Variants in TRMT11 observed in about 807,000 individuals in gnomAD.
TRMT11 encodes tRNA (guanine(10)-N(2))-methyltransferase TRMT11.
Under a neutral mutation model 62.8 loss-of-function variants are expected in TRMT11, and 53 were observed. The observed-to-expected ratio is 0.84, with a 90% CI of 0.68 to 1.06. TRMT11 has a LOEUF of 1.06. Ranked by LOEUF, TRMT11 falls within the 50% of genes least tolerant of loss-of-function variation. TRMT11 has a pLI of 0.00. For missense variants in TRMT11, 556 were observed against 553.4 expected, an observed-to-expected ratio of 1.00 and a Z score of -0.05; for synonymous variants, 188 against 190.3, an observed-to-expected ratio of 0.99 and a Z score of 0.10.
At chr6:126,150,220 C>T (rs187735695) in intron 21 of TRMT11, among the ~76,000 whole-genome samples, 1 of 152,212 alleles carries the variant, frequency 6.6e-6, no homozygotes, top group East Asian at 1.9e-4. Flanking sequence ...CACTTAGCCC[C>T]CTCACTATGT....
chr6:126,160,796 T>C (rs772141524), intron 21 of TRMT11, among the ~76,000 whole-genome samples: 1 of 152,180 alleles, frequency 6.6e-6, no homozygotes, highest in Non-Finnish European at 1.5e-5. Context: ...TAAAGACTAA[T>C]GATAATTAGA....
At chr6:126,131,575 C>T (rs560310540) in intron 21 of TRMT11, among the ~76,000 whole-genome samples, 1 of 152,074 alleles carries the variant, frequency 6.6e-6, no homozygotes, top group Non-Finnish European at 1.5e-5. Context: ...CTCCTGGAGA[C>T]AAATCCCCTG....
chr6:126,217,902 A>G, the TRMT11 span, among the ~76,000 whole-genome samples: 1 of 152,076 alleles, frequency 6.6e-6, no homozygotes, highest in Non-Finnish European at 1.5e-5. Context: ...CTGGAGTCAG[A>G]AGCCTTAGGA....
intron 21 of TRMT11, among the ~76,000 whole-genome samples, chr6:126,132,756 C>G (rs1397769830): frequency 6.6e-6 from 1 of 151,884 alleles, no homozygotes; most frequent in East Asian, 1.9e-4. Context: ...GAACTCAGAA[C>G]TCAGGGTGGG....
intron 12 of TRMT11, among the ~76,000 whole-genome samples, chr6:126,033,459 T>C (rs1774590626): frequency 6.6e-6 from 1 of 152,192 alleles, no homozygotes; most frequent in Non-Finnish European, 1.5e-5. Flanking sequence ...AAACATAGAT[T>C]GACTTGAATA....
intron 17 of TRMT11, among the ~76,000 whole-genome samples, chr6:126,062,177 T>G (rs576601776): frequency 6.6e-6 from 1 of 152,346 alleles, no homozygotes; most frequent in African/African-American, 2.4e-5. Context: ...TGAGCCACCA[T>G]GCCTGGCCAA....
chr6:126,074,624 T>C (rs563123863), intron 17 of TRMT11, among the ~76,000 whole-genome samples: 1 of 152,306 alleles, frequency 6.6e-6, no homozygotes, highest in African/African-American at 2.4e-5. Flanking sequence ...GTGTAAAATA[T>C]CTTTGTCACG....
In TRMT11 at chr6:126,038,753, CAAGGTCAT is replaced by C. The variant is rs1295118432; in HGVS notation, c.1312_1319del (p.Gly438PhefsTer4). On this transcript the variant is annotated frameshift_variant, in exon 13 of 13. Coordinates refer to ENST00000334379, the MANE Select transcript of TRMT11 (RefSeq NM_001031712.3). LOFTEE classifies it high-confidence loss of function. ...GCTAAGTGATCATTTTCTGCCATACCAAGGTCATAATTCCTTCCGTGAGAAATATTTTA... is the reference window on the plus strand; with the variant it reads ...GCTAAGTGATCATTTTCTGCCATACCAATTCCTTCCGTGAGAAATATTTTA... 9 of 1,600,910 alleles carry C rather than the reference CAAGGTCAT, an allele frequency of 5.6e-6. No individual in the cohort carries two copies. The highest frequency in any genetic ancestry group is 1.4e-5 in the African/African-American group (1 of 73,948).
intron 21 of TRMT11, among the ~76,000 whole-genome samples, chr6:126,146,539 CAG>C (rs948084527): frequency 2.3e-4 from 34 of 148,030 alleles, no homozygotes; most frequent in African/African-American, 8.2e-4. Context: ...TTTTTTGAGA[CAG>C]AGTTTCACTC....
intron 17 of TRMT11, among the ~76,000 whole-genome samples, chr6:126,064,694 G>T (rs765208412): frequency 1.3e-5 from 2 of 151,686 alleles, no homozygotes; most frequent in African/African-American, 2.4e-5. Context: ...CAGGGTTTCT[G>T]TAGGCCAAAA....
chr6:126,151,617 A>C (rs1042974960), intron 21 of TRMT11, among the ~76,000 whole-genome samples: 1 of 152,128 alleles, frequency 6.6e-6, no homozygotes, highest in Non-Finnish European at 1.5e-5. Context: ...TCACCTTGCC[A>C]AATGCCTCCC....
intron 2 of TRMT11, 105 bp downstream of exon 2, chr6:125,993,927 G>A: frequency 1.6e-6 from 1 of 630,372 alleles, no homozygotes; most frequent in Non-Finnish European, 2.6e-6. Context: ...ATGGTTACTT[G>A]TATCTGTTTC....
At chr6:126,236,520 GA>G in the TRMT11 span, among the ~76,000 whole-genome samples, 12 of 152,064 alleles carry the variant, frequency 7.9e-5, no homozygotes, top group East Asian at 2.3e-3. Context: ...TCTTGTTATA[GA>G]TTACTATTGA....
intron 17 of TRMT11, among the ~76,000 whole-genome samples, chr6:126,067,650 T>C (rs898908996): frequency 6.6e-6 from 1 of 152,238 alleles, no homozygotes; most frequent in Non-Finnish European, 1.5e-5. Context: ...AAACATTCTT[T>C]TACATGTTTC....
intron 1 of TRMT11, among the ~76,000 whole-genome samples, chr6:125,989,679 C>T (rs1355417805): frequency 3.3e-5 from 5 of 152,124 alleles, no homozygotes; most frequent in African/African-American, 1.2e-4. Context: ...TTTTTTCCGT[C>T]GTAAATTCTT....
the TRMT11 span, among the ~76,000 whole-genome samples, chr6:126,260,002 T>C: frequency 6.6e-6 from 1 of 152,022 alleles, no homozygotes; most frequent in African/African-American, 2.4e-5. Context: ...TTGGGTCTAG[T>C]TTTTTTTATT....
At chr6:126,099,239 T>C (rs1777370854) in intron 17 of TRMT11, among the ~76,000 whole-genome samples, 1 of 152,250 alleles carries the variant, frequency 6.6e-6, no homozygotes, top group African/African-American at 2.4e-5. Context: ...TTTCAGTAAA[T>C]CTGTGCACTT....
intron 21 of TRMT11, among the ~76,000 whole-genome samples, chr6:126,167,280 G>A (rs866727216): frequency 3.3e-5 from 5 of 152,172 alleles, no homozygotes; most frequent in African/African-American, 7.2e-5. Context: ...TGTGGGTTGC[G>A]AAAACCATGG....
At chr6:126,092,158 T>C (rs1220447446) in intron 17 of TRMT11, among the ~76,000 whole-genome samples, 1 of 152,244 alleles carries the variant, frequency 6.6e-6, no homozygotes, top group Non-Finnish European at 1.5e-5. Context: ...TTAATTACGA[T>C]GACTTATAGT....
Sources: gnomAD v4.1 joint callset for allele counts (sites outside exome capture counted in the v4.1 genomes callset) on GRCh38, gnomAD v4.1.1 for gene constraint, MANE v1.5 for transcripts, NCBI Gene and HGNC (gene_info 2026-07-23, HGNC 2026-07-21) for gene names.